The following SSB variants were observed in gnomAD, a reference collection of about 807,000 sequenced individuals.
The protein encoded by SSB is small RNA binding exonuclease protection factor La, also known as lupus La protein.
Under a neutral mutation model 52.9 loss-of-function variants are expected in SSB, and 17 were observed. The ratio of observed to expected loss-of-function variants is 0.32; its 90% CI spans 0.22 to 0.48. The LOEUF is 0.48. Among genes scored for constraint, SSB ranks in the 20% least tolerant of loss-of-function variants. SSB has a pLI of 0.99. For missense variants in SSB, 314 were observed against 463.6 expected (o/e 0.68, Z 2.96); for synonymous variants, 111 against 152.1 (o/e 0.73, Z 1.99).
chr2:169,804,015 G>A (rs142332497), intron 2 of SSB, among the ~76,000 whole-genome samples: 1,974 of 152,238 alleles, frequency 0.013, 59 homozygotes, highest in African/African-American at 0.044. Context: ...CTGGGATTAT[G>A]GGCTTGGGCC....
intron 11 of SSB, 128 bp from the exon 12 acceptor site, chr2:169,811,540 C>G: frequency 2.2e-6 from 3 of 1,356,464 alleles, no homozygotes; most frequent in Non-Finnish European, 3.0e-6. Context: ...AAGAGAAAAG[C>G]CTTTTCTCAT....
intron 6 of SSB, 152 bp from the exon 7 acceptor site, chr2:169,808,330 T>G (rs1195142651): frequency 1.8e-6 from 1 of 567,772 alleles, no homozygotes; most frequent in Non-Finnish European, 3.1e-6. Context: ...GAGAGTAAAT[T>G]CCTTGGCATA....
chr2:169,808,402 C>T lies in SSB; in HGVS notation c.555-80C>T, dbSNP rs1689872066. ...GCGTGTGCAACATTCATTGCTGTGCCATGTCTTAAGTTATTCAAAATAATC... is the reference window on the plus strand; with the variant it reads ...GCGTGTGCAACATTCATTGCTGTGCTATGTCTTAAGTTATTCAAAATAATC... On this transcript the variant is annotated intron_variant, in intron 6 of 11. Coordinates refer to ENST00000260956, the MANE Select transcript of SSB (RefSeq NM_003142.5). The T allele has an allele frequency of 1.2e-5, 13 of 1,098,512 alleles. No individual in the cohort carries two copies. The Admixed American group carries it at 2.4e-4, about 21-fold the overall frequency. The allele number at this position is 1,098,512 out of a possible 1,614,324, so 68.0% of individuals were successfully genotyped here.
At chr2:169,801,099 G>A in intron 2 of SSB, 73 bp downstream of exon 2, 1 of 1,236,190 alleles carries the variant, frequency 8.1e-7, no homozygotes, top group Non-Finnish European at 1.1e-6. Context: ...TTTAATTCTA[G>A]TACATGGACA....
intron 2 of SSB, 138 bp from the exon 3 acceptor site, chr2:169,805,333 CATT>C (rs941428598): frequency 1.7e-5 from 10 of 597,310 alleles, no homozygotes; most frequent in African/African-American, 7.5e-5. Flanking sequence ...AATTTGTAAA[CATT>C]ATTGTATATT....
At chr2:169,807,290 C>G (rs3135036) in intron 6 of SSB, among the ~76,000 whole-genome samples, 88,513 of 151,590 alleles carry the variant, frequency 0.58, 27,225 homozygotes, top group Admixed American at 0.69. Context: ...ATTTTTTTTT[C>G]TTTTTCTTTT....
In SSB at chr2:169,805,566, A is replaced by G. The variant is rs1689811749; in HGVS notation, c.159A>G (p.Ile53Met). ...GCTGGGTACCTTTGGAGATAATGAT[A>G]AAATTCAACAGGTAACAAGCTTTTA... ...DEGWVPLEIM[I>M]KFNRLNRLTT... The change falls in exon 3 of 12, where the codon ATA (isoleucine) becomes ATG (methionine). Residue 53 changes from isoleucine to methionine, a missense_variant. By Grantham distance (10) the Ile-to-Met change is conservative. Coordinates refer to ENST00000260956, the MANE Select transcript of SSB (RefSeq NM_003142.5). 3.1e-6 allele frequency: 5 copies of G among 1,613,700 alleles called. No individual in the cohort carries two copies. Among genetic ancestry groups the G allele is most frequent in the Non-Finnish European group, 4.2e-6 (5 of 1,179,702 alleles).
intron 4 of SSB, 38 bp from the exon 5 acceptor site, chr2:169,806,747 T>C (rs772649699): frequency 1.4e-5 from 21 of 1,482,144 alleles, no homozygotes; most frequent in Non-Finnish European, 1.8e-5. Context: ...TGAGAAGTCA[T>C]TATTTGTTAT....
chr2:169,799,092 C>T (rs1397553253), intron 1 of SSB, 116 bp downstream of exon 1: 1 of 152,094 alleles, frequency 6.6e-6, no homozygotes, highest in Non-Finnish European at 1.5e-5. Flanking sequence ...CCTCGCCTTC[C>T]TCACGTTCAG....
At chr2:169,799,594 GGTTTT>G (rs1410014237) in intron 1 of SSB, 1 of 152,166 alleles carries the variant, frequency 6.6e-6, no homozygotes, top group African/African-American at 2.4e-5. Flanking sequence ...AGGCCAAATA[GGTTTT>G]GCAGGGTCTA....
chr2:169,808,450 T>G (rs930837484), intron 6 of SSB, 32 bp from the exon 7 acceptor site: 11 of 1,574,276 alleles, frequency 7.0e-6, no homozygotes, highest in African/African-American at 1.4e-5. Context: ...TTTGTTCTCG[T>G]GAACTTAGCC....
chr2:169,800,861 A>G, intron 1 of SSB, 91 bp from the exon 2 acceptor site: 1 of 920,636 alleles, frequency 1.1e-6, no homozygotes, highest in South Asian at 2.4e-5. Flanking sequence ...TTTTTTAAGA[A>G]AACGGGATAT....
intron 6 of SSB, 150 bp from the exon 7 acceptor site, chr2:169,808,332 C>T (rs1689870430): frequency 1.8e-6 from 1 of 565,792 alleles, no homozygotes; most frequent in Non-Finnish European, 3.1e-6. Context: ...GAGTAAATTC[C>T]TTGGCATATT....
At chr2:169,805,094 C>T (rs1689801345) in intron 2 of SSB, among the ~76,000 whole-genome samples, 1 of 152,030 alleles carries the variant, frequency 6.6e-6, no homozygotes, top group South Asian at 2.1e-4. Context: ...CATGCCACTG[C>T]ACTCCAGCCT....
chr2:169,805,284 C>T (rs376023177), intron 2 of SSB, among the ~76,000 whole-genome samples, 190 bp from the exon 3 acceptor site: 1 of 152,130 alleles, frequency 6.6e-6, no homozygotes, highest in Non-Finnish European at 1.5e-5. Flanking sequence ...ATCTGTTACA[C>T]TATTTTAGTA....
chr2:169,799,278 CTTTTT>C (rs55750138), intron 1 of SSB: 3 of 103,362 alleles, frequency 2.9e-5, no homozygotes, highest in Non-Finnish European at 5.5e-5. Context: ...CCCATTGCGT[CTTTTT>C]TTTTTTTTTT....
At chr2:169,803,507 C>T (rs111393192) in intron 2 of SSB, among the ~76,000 whole-genome samples, 1 of 152,246 alleles carries the variant, frequency 6.6e-6, no homozygotes, top group African/African-American at 2.4e-5. Context: ...GCTTCGGCCA[C>T]CCAAAGTGCT....
In SSB at chr2:169,800,932, T is replaced by C; in HGVS notation, c.-9-20T>C. 6.4e-7 allele frequency: 1 copy of C among 1,566,634 alleles called. No individual in the cohort carries two copies. Among genetic ancestry groups the C allele is most frequent in the Non-Finnish European group, 8.6e-7 (1 of 1,160,228 alleles). ...TTTTATATAAAAAATAACTTTATGC[T>C]AATTTGGGAAATTTTACAGATAGCC... On this transcript the variant is annotated intron_variant, in intron 1 of 11. Coordinates refer to ENST00000260956, the MANE Select transcript of SSB (RefSeq NM_003142.5).
chr2:169,799,123 C>T (rs930234213), intron 1 of SSB, 147 bp downstream of exon 1: 1 of 152,080 alleles, frequency 6.6e-6, no homozygotes, highest in Admixed American at 6.6e-5. Flanking sequence ...GCGTGGGCCG[C>T]AGCCGGAGGC....
Sources: gnomAD v4.1 joint callset for allele counts (sites outside exome capture counted in the v4.1 genomes callset) on GRCh38, gnomAD v4.1.1 for gene constraint, MANE v1.5 for transcripts, NCBI Gene and HGNC (gene_info 2026-07-23, HGNC 2026-07-21) for gene names.